EYS: variants seen among roughly 807,000 people sequenced by gnomAD.
EYS encodes protein eyes shut homolog.
EYS carries 250 observed loss-of-function variants against 282.1 expected under a neutral mutation model. The observed-to-expected ratio is 0.89, with a 90% confidence interval of 0.80 to 0.98. EYS has a LOEUF of 0.98. EYS is among the 50% of genes least tolerant of loss of function. The pLI, the probability that EYS is intolerant of heterozygous loss-of-function variation, is 0.00. For missense variants in EYS, 4,016 were observed against 3,709.0 expected (o/e 1.08, Z -2.15); for synonymous variants, 1,355 against 1,282.9 (o/e 1.06, Z -1.20).
chr6:64,962,082 C>T (rs960763131), intron 14 of EYS, among the ~76,000 whole-genome samples: 2 of 152,054 alleles, frequency 1.3e-5, no homozygotes, highest in African/African-American at 4.8e-5. Flanking sequence ...ATATTCTGTT[C>T]TTTGTCACTA....
At chr6:64,596,960 T>A (rs1766605490) in intron 24 of EYS, among the ~76,000 whole-genome samples, 1 of 152,026 alleles carries the variant, frequency 6.6e-6, no homozygotes, top group South Asian at 2.1e-4. Context: ...ACACAATGCA[T>A]CCAACAGGGA....
intron 29 of EYS, among the ~76,000 whole-genome samples, chr6:64,386,058 T>G (rs1238779252): frequency 6.6e-6 from 1 of 152,122 alleles, no homozygotes; most frequent in African/African-American, 2.4e-5. Context: ...CTGTGCAGAC[T>G]CCCACAGCCA....
chr6:64,325,191 T>A lies in EYS; in HGVS notation c.6079-18109A>T, dbSNP rs777852459. ...GTGCTCCTGCAGGACCCTGGAGATATCTCAAATACTGTGCTGGTATCCACA... is the reference window on the plus strand; with the variant it reads ...GTGCTCCTGCAGGACCCTGGAGATAACTCAAATACTGTGCTGGTATCCACA... On this transcript the variant is annotated intron_variant, in intron 29 of 42. Transcript: ENST00000503581. 1.2e-4 allele frequency among the ~76,000 whole-genome samples: 19 copies of A among 152,114 alleles called. 1 individual carries two copies. The highest frequency in any genetic ancestry group is 1.1e-3 in the Admixed American group (17 of 15,272).
chr6:65,377,007 C>A (rs1216892921), intron 8 of EYS, among the ~76,000 whole-genome samples: 1 of 152,134 alleles, frequency 6.6e-6, no homozygotes, highest in Non-Finnish European at 1.5e-5. Context: ...TTGAACTCAC[C>A]TCTGGACCAA....
chr6:63,912,705 T>C (rs1442361647), intron 35 of EYS, among the ~76,000 whole-genome samples: 1 of 152,082 alleles, frequency 6.6e-6, no homozygotes, highest in African/African-American at 2.4e-5. Flanking sequence ...TTTACCACCA[T>C]CCCCTGGGTG....
In EYS at chr6:65,511,984, C is replaced by CAA. The variant is rs11368301; in HGVS notation, c.-332-15993_-332-15992dup. ...TGGGTGATGCAGCAAAACTCTGTCT[C>CAA]AAAAAAAAAAAAAAAAAAAAAAAAG... On this transcript the variant is annotated intron_variant, in intron 2 of 42. Transcript: ENST00000503581. 8.4e-3 allele frequency among the ~76,000 whole-genome samples: 791 copies of CAA among 94,722 alleles called. 33 individuals carry two copies. Among genetic ancestry groups the CAA allele is most frequent in the African/African-American group, 0.037 (732 of 19,876 alleles). 62.1% of individuals were successfully genotyped at this position (94,722 alleles called of 152,430 possible). A position where few individuals can be genotyped will look rare whatever the true frequency, so the allele number is the denominator to read the frequency against.
intron 13 of EYS, among the ~76,000 whole-genome samples, chr6:65,050,889 A>G (rs954125328): frequency 5.9e-5 from 9 of 151,712 alleles, no homozygotes; most frequent in Admixed American, 5.3e-4. Flanking sequence ...CTGGCTTTCA[A>G]CACACTTAAG....
intron 26 of EYS, among the ~76,000 whole-genome samples, chr6:64,452,364 G>T (rs1166092040): frequency 2.6e-5 from 4 of 152,066 alleles, no homozygotes; most frequent in African/African-American, 9.7e-5. Flanking sequence ...AAAGAGGACA[G>T]AAACAAATGG....
chr6:64,660,597 A>C (rs1377512880), intron 22 of EYS, among the ~76,000 whole-genome samples: 1 of 152,140 alleles, frequency 6.6e-6, no homozygotes, highest in Non-Finnish European at 1.5e-5. Context: ...CCAATAACAG[A>C]CAGACAGAGA....
intron 22 of EYS, among the ~76,000 whole-genome samples, chr6:64,780,591 T>G (rs1000682872): frequency 6.6e-6 from 1 of 152,128 alleles, no homozygotes; most frequent in Admixed American, 6.5e-5. Context: ...GGGCGATGGA[T>G]GCATTAGAAG....
rs35642018 is a variant in EYS at position 64,019,850 on chromosome 6, GTATA to G, written c.6726-20671_6726-20668del. 7.0e-4 allele frequency among the ~76,000 whole-genome samples: 100 copies of G among 143,506 alleles called. 1 individual carries two copies. The highest frequency in any genetic ancestry group is 2.1e-3 in the African/African-American group (81 of 38,588). 94.1% of individuals were successfully genotyped at this position (143,506 alleles called of 152,430 possible). On this transcript the variant is annotated intron_variant, in intron 33 of 42. Transcript: ENST00000503581. ...TATATATATATATATGTATATATAA[GTATA>G]TATATATATATATACTTACATATAT...
At chr6:65,088,729 G>A (rs1774459920) in intron 12 of EYS, among the ~76,000 whole-genome samples, 1 of 152,104 alleles carries the variant, frequency 6.6e-6, no homozygotes, top group Non-Finnish European at 1.5e-5. Flanking sequence ...AAGACAATGG[G>A]GTAACGTCTC....
intron 41 of EYS, among the ~76,000 whole-genome samples, chr6:63,756,254 G>A (rs1769480843): frequency 6.6e-6 from 1 of 152,240 alleles, no homozygotes; most frequent in African/African-American, 2.4e-5. Context: ...GTATGATATT[G>A]TCTGTGGGTT....
intron 22 of EYS, among the ~76,000 whole-genome samples, chr6:64,677,903 G>A (rs1011817910): frequency 6.6e-6 from 1 of 151,148 alleles, no homozygotes; most frequent in Admixed American, 6.6e-5. Context: ...TACCTACTAG[G>A]TATACACAAA....
In EYS at chr6:64,590,836, G is replaced by A. The variant is rs970423234; in HGVS notation, c.5031C>T (p.Asp1677=). 9.0e-6 allele frequency: 14 copies of A among 1,550,002 alleles called. No homozygotes were observed. In the African/African-American group the frequency reaches 1.9e-4, roughly 21 times the overall value. ...TTGAAGTCAAATCAGAATTCATCAA[G>A]TCTGAAGAGATAGTTTGTGAAGGGA... ...SIVPSQTISS[D]LMNSDLTSKM... Residue 1677 remains aspartate (D), a synonymous_variant, in exon 26 of 43, where the codon GAC becomes GAT. Transcript: ENST00000503581.
At chr6:64,131,635 G>A (rs746848287) in intron 31 of EYS, among the ~76,000 whole-genome samples, 1 of 152,104 alleles carries the variant, frequency 6.6e-6, no homozygotes, top group South Asian at 2.1e-4. Context: ...GTAGTAGATG[G>A]TAGTGACCTG....
intron 33 of EYS, among the ~76,000 whole-genome samples, chr6:64,017,155 C>T (rs1397200514): frequency 6.6e-6 from 1 of 151,962 alleles, no homozygotes; most frequent in African/African-American, 2.4e-5. Context: ...TGAGACCCCA[C>T]AAACACTCCT....
intron 2 of EYS, among the ~76,000 whole-genome samples, chr6:65,504,581 C>G (rs974354204): frequency 6.6e-6 from 1 of 151,356 alleles, no homozygotes; most frequent in African/African-American, 2.4e-5. Context: ...CTATTTTTGG[C>G]CTTCTGAGAG....
intron 29 of EYS, among the ~76,000 whole-genome samples, chr6:64,361,870 T>G (rs1319310542): frequency 6.6e-6 from 1 of 151,844 alleles, no homozygotes; most frequent in Non-Finnish European, 1.5e-5. Context: ...GGAAATGACA[T>G]TTAGAAATAG....
Sources: allele counts gnomAD v4.1 joint callset (sites outside exome capture counted in the v4.1 genomes callset), GRCh38; gene constraint gnomAD v4.1.1; transcripts MANE v1.5; gene names NCBI Gene and HGNC (gene_info 2026-07-23, HGNC 2026-07-21).